WHRN: variants seen among roughly 807,000 people sequenced by gnomAD.
WHRN encodes whirlin.
In WHRN, 41 loss-of-function variants were observed where a neutral mutation model predicts 68.3. That is an observed-to-expected ratio of 0.60 (90% CI 0.47 to 0.78). WHRN has a LOEUF of 0.78. Among genes scored for constraint, WHRN ranks in the 30% least tolerant of loss-of-function variants. The pLI is 0.00. For synonymous variants in WHRN, 560 were observed against 561.3 expected, an observed-to-expected ratio of 1.00 and a Z score of 0.03; for missense variants, 1,243 against 1,244.7, an observed-to-expected ratio of 1.00 and a Z score of 0.02.
At chr9:114,502,458 A>G (rs541038993) in intron 1 of WHRN, among the ~76,000 whole-genome samples, 14 of 146,812 alleles carry the variant, frequency 9.5e-5, no homozygotes, top group African/African-American at 3.5e-4. Flanking sequence ...TCTGAGTCAC[A>G]GTTTAACAGC....
intron 3 of WHRN, among the ~76,000 whole-genome samples, chr9:114,440,583 GCAGATAATA>G (rs1838288697): frequency 6.6e-6 from 1 of 152,116 alleles, no homozygotes; most frequent in African/African-American, 2.4e-5. Context: ...ACAAACCCTT[GCAGATAATA>G]CATGGCACCA....
chr9:114,404,181 C>T, intron 9 of WHRN, 104 bp from the exon 10 acceptor site: 2 of 1,259,884 alleles, frequency 1.6e-6, no homozygotes, highest in East Asian at 2.5e-5. Context: ...TGGGGGAATT[C>T]CCCAGGCAAA....
At chr9:114,410,544 C>T (rs192554405) in intron 7 of WHRN, among the ~76,000 whole-genome samples, 10 of 152,272 alleles carry the variant, frequency 6.6e-5, no homozygotes, top group Admixed American at 1.3e-4. Flanking sequence ...GCACTCCTGA[C>T]GCCATACCCC....
chr9:114,490,356 G>T (rs1842880461), intron 1 of WHRN, among the ~76,000 whole-genome samples: 1 of 152,242 alleles, frequency 6.6e-6, no homozygotes, highest in African/African-American at 2.4e-5. Flanking sequence ...AGAAATGTAT[G>T]ATGTCCAGTT....
At position 114,414,032 on chromosome 9, in the gene WHRN, T is replaced by C. The variant is rs74967279; in HGVS notation, c.1627-6014A>G. 3.3e-3 allele frequency among the ~76,000 whole-genome samples: 502 copies of C among 152,308 alleles called. 9 individuals are homozygous for C. The East Asian group carries it at 0.036, about 11-fold the overall frequency. On this transcript the variant is annotated intron_variant, in intron 7 of 11. Transcript: ENST00000362057. ...GGATAAGGCTGGAAACCAGTGCTCC[T>C]GGGAGGGAATGCAGGCACCCGAGAA...
intron 2 of WHRN, among the ~76,000 whole-genome samples, chr9:114,469,625 G>GCTCC (rs1437312044): frequency 6.6e-6 from 1 of 152,194 alleles, no homozygotes; most frequent in Non-Finnish European, 1.5e-5. Context: ...CAGCTCCAGA[G>GCTCC]CTCCCTGTGG....
intron 7 of WHRN, among the ~76,000 whole-genome samples, chr9:114,416,498 A>T (rs939572305): frequency 6.6e-6 from 1 of 152,146 alleles, no homozygotes; most frequent in Non-Finnish European, 1.5e-5. Flanking sequence ...GTAAGTTCTC[A>T]TGTGATCTGG....
In WHRN at chr9:114,479,280, C is replaced by T. The variant is rs565638804; in HGVS notation, c.619-509G>A. Among the ~76,000 whole-genome samples the T allele has an allele frequency of 3.9e-5, 6 of 152,318 alleles. No individual in the cohort carries two copies. The East Asian group carries it at 1.2e-3, about 29-fold the overall frequency. The stretch of plus-strand genomic sequence containing the variant: ...AAAACTGTGGGTGCTCTCTAATGAG[C>T]TCCCCTGATAGACAACATCCCACAC... On this transcript the variant is annotated intron_variant, in intron 1 of 11. Coordinates refer to ENST00000362057, the MANE Select transcript of WHRN (RefSeq NM_015404.4).
intron 3 of WHRN, among the ~76,000 whole-genome samples, chr9:114,427,403 C>T (rs866408030): frequency 6.6e-6 from 1 of 152,170 alleles, no homozygotes; most frequent in Non-Finnish European, 1.5e-5. Flanking sequence ...CCTTTAAACT[C>T]GGGGTTCCTT....
At chr9:114,468,762 A>G (rs550582564) in intron 2 of WHRN, among the ~76,000 whole-genome samples, 3 of 152,202 alleles carry the variant, frequency 2.0e-5, no homozygotes, top group African/African-American at 7.2e-5. Context: ...ATGTTCTGGA[A>G]ACAGCAGGCT....
chr9:114,467,513 G>A (rs113480117), intron 2 of WHRN, among the ~76,000 whole-genome samples: 2,435 of 151,990 alleles, frequency 0.016, 56 homozygotes, highest in African/African-American at 0.057. Context: ...AGAGTCAGCC[G>A]GCGGGGGGGA....
chr9:114,479,343 CT>C (rs537863491), intron 1 of WHRN, among the ~76,000 whole-genome samples: 50 of 152,316 alleles, frequency 3.3e-4, no homozygotes, highest in African/African-American at 1.1e-3. Flanking sequence ...TTAGTGTGTT[CT>C]GTGGAACTCA....
chr9:114,486,974 TATATATATATA>T (rs1842583922), intron 1 of WHRN, among the ~76,000 whole-genome samples: 2 of 1,226 alleles, frequency 1.6e-3, no homozygotes, highest in African/African-American at 2.4e-3. Flanking sequence ...TATATATATA[TATATATATATA>T]TATATATATA....
Position 114,505,163 on chromosome 9 carries a change from T to G in WHRN, c.-362A>C, listed in dbSNP as rs1442851733. On this transcript the variant is annotated 5_prime_UTR_variant, in exon 1 of 12. Coordinates refer to ENST00000362057, the MANE Select transcript of WHRN (RefSeq NM_015404.4). ...TTCTGGAGGGCACGGAGACGACGGG[T>G]GGCTGGAGTTTGGGGGCGCCGCAAA... is the stretch of plus-strand genomic sequence containing the variant. The G allele has an allele frequency of 2.3e-5, 5 of 216,092 alleles. No homozygotes were observed. The highest frequency in any genetic ancestry group is 4.5e-5 in the Non-Finnish European group (5 of 111,206). 13.4% of individuals were successfully genotyped at this position (216,092 alleles called of 1,614,324 possible).
Position 114,504,805 on chromosome 9 carries a change from C to T in WHRN, c.-4G>A. On this transcript the variant is annotated 5_prime_UTR_variant, in exon 1 of 12. Transcript: ENST00000362057. ...GGCCGTCCAGCGGCGCGTTCATCTC[C>T]ACGCCGAGGCCCGGCCGGGCTCTGA... 7 of 1,418,108 alleles carry T rather than the reference C, an allele frequency of 4.9e-6. No homozygotes were observed. Among genetic ancestry groups the T allele is most frequent in the Non-Finnish European group, 6.4e-6 (7 of 1,099,782 alleles). 87.8% of individuals were successfully genotyped at this position (1,418,108 alleles called of 1,614,324 possible). A position where few individuals can be genotyped will look rare whatever the true frequency, so the allele number is the denominator to read the frequency against.
chr9:114,460,183 C>G (rs553530138), intron 3 of WHRN, among the ~76,000 whole-genome samples: 1 of 152,168 alleles, frequency 6.6e-6, no homozygotes, highest in African/African-American at 2.4e-5. Flanking sequence ...CTCTCTGCAG[C>G]CTTTTGATAT....
chr9:114,473,817 C>G (rs1393525010), intron 2 of WHRN, among the ~76,000 whole-genome samples: 2 of 152,316 alleles, frequency 1.3e-5, no homozygotes, highest in African/African-American at 2.4e-5. Context: ...GCAAGGGCCC[C>G]AGGCTGAGCC....
intron 11 of WHRN, 44 bp from the exon 12 acceptor site, chr9:114,402,980 C>G: frequency 1.3e-6 from 2 of 1,583,706 alleles, no homozygotes; most frequent in Non-Finnish European, 1.7e-6. Context: ...AAGGGTTAGA[C>G]AGGCCTGGCT....
intron 3 of WHRN, among the ~76,000 whole-genome samples, chr9:114,455,097 G>T (rs1171474412): frequency 6.6e-6 from 1 of 152,148 alleles, no homozygotes; most frequent in Non-Finnish European, 1.5e-5. Context: ...CTATAATACT[G>T]TTAGAGGAAT....
Sources: gnomAD v4.1 joint callset for allele counts (sites outside exome capture counted in the v4.1 genomes callset) on GRCh38, gnomAD v4.1.1 for gene constraint, MANE v1.5 for transcripts, NCBI Gene and HGNC (gene_info 2026-07-23, HGNC 2026-07-21) for gene names.